Variants in RASA2 observed in about 807,000 individuals in gnomAD.
The protein encoded by RASA2 is RAS p21 protein activator 2.
In RASA2, 155 loss-of-function variants were observed where a neutral mutation model predicts 118.2. That is an observed-to-expected ratio of 1.31 (90% CI 1.15 to 1.50). The LOEUF is 1.50. RASA2 is among the 40% of genes most tolerant of loss of function. RASA2 has a pLI of 0.00. For missense variants in RASA2, 1,016 were observed against 1,009.6 expected (o/e 1.01, Z -0.09); for synonymous variants, 353 against 349.1 (o/e 1.01, Z -0.12).
At chr3:141,597,937 T>C (rs2083400303) in intron 19 of RASA2, among the ~76,000 whole-genome samples, 1 of 152,186 alleles carries the variant, frequency 6.6e-6, no homozygotes, top group Non-Finnish European at 1.5e-5. Flanking sequence ...TGAGCAACTT[T>C]ATATCAATAA....
At chr3:141,488,281 C>T (rs1258130279) in intron 1 of RASA2, among the ~76,000 whole-genome samples, 1 of 152,084 alleles carries the variant, frequency 6.6e-6, no homozygotes, top group African/African-American at 2.4e-5. Context: ...TTTCTTCATG[C>T]AGTATTCTCA....
chr3:141,569,318 T>C (rs2082875269), intron 9 of RASA2, among the ~76,000 whole-genome samples: 1 of 152,204 alleles, frequency 6.6e-6, no homozygotes, highest in Non-Finnish European at 1.5e-5. Context: ...TCTTGTGATA[T>C]CTTGAATGAG....
Position 141,586,678 on chromosome 3 carries a change from G to A in RASA2, c.1859G>A (p.Arg620Gln), listed in dbSNP as rs146108941. 1.9e-5 allele frequency: 31 copies of A among 1,613,206 alleles called. No homozygotes were observed. The highest frequency in any genetic ancestry group is 4.5e-5 in the East Asian group (2 of 44,806). ...TATAAAAGAGCTCAAGGAAGAACTC[G>A]GATTGGAAAAAAGAATTTTAAGAAA... is the stretch of plus-strand genomic sequence containing the variant. The part of the protein sequence containing the change: ...EMYKRAQGRT[R>Q]IGKKNFKKRW... The change falls in exon 19 of 24, where the codon CGG becomes CAG. Residue 620 changes from arginine (R) to glutamine (Q), a missense_variant. By Grantham distance (43) the Arg-to-Gln change is conservative (BLOSUM62 1). Coordinates refer to ENST00000286364, the MANE Select transcript of RASA2 (RefSeq NM_006506.5).
intron 17 of RASA2, among the ~76,000 whole-genome samples, chr3:141,585,249 G>A (rs189497294): frequency 9.4e-4 from 143 of 152,146 alleles, no homozygotes; most frequent in Non-Finnish European, 1.7e-3. Context: ...GGAGCCTAGG[G>A]TAGCACCCCA....
intron 4 of RASA2, among the ~76,000 whole-genome samples, chr3:141,537,950 T>C (rs757680943): frequency 6.6e-6 from 1 of 152,156 alleles, no homozygotes; most frequent in Non-Finnish European, 1.5e-5. Context: ...CTGAATGGTA[T>C]ATTTCCTCTA....
rs138289261 is a variant in RASA2, at chr3:141,495,880, A to G, written c.133+8664A>G. 1.4e-3 allele frequency among the ~76,000 whole-genome samples: 213 copies of G among 152,384 alleles called. 1 individual carries two copies. Among genetic ancestry groups the G allele is most frequent in the Middle Eastern group, 6.8e-3 (2 of 294 alleles). ...CTATAGCAACTAAAAAGAATGAGGT[A>G]TATCTATGTTATGAAAGGAAAGAAC... On this transcript the variant is annotated intron_variant, in intron 1 of 23. Coordinates refer to ENST00000286364, the MANE Select transcript of RASA2 (RefSeq NM_006506.5).
At chr3:141,558,755 G>T (rs1044319583) in intron 7 of RASA2, 131 bp from the exon 8 acceptor site, 1 of 708,842 alleles carries the variant, frequency 1.4e-6, no homozygotes, top group Non-Finnish European at 2.4e-6. Flanking sequence ...TTCAGCTATT[G>T]AGTAAAATAT....
chr3:141,528,853 A>G (rs73869655), intron 3 of RASA2, among the ~76,000 whole-genome samples: 1,895 of 152,154 alleles, frequency 0.012, 43 homozygotes, highest in African/African-American at 0.043. Flanking sequence ...GTATAAAATG[A>G]AAATTCTTAC....
intron 19 of RASA2, among the ~76,000 whole-genome samples, chr3:141,599,391 GACAA>G (rs2083428485): frequency 1.3e-5 from 2 of 151,946 alleles, no homozygotes; most frequent in Admixed American, 6.5e-5. Context: ...ACAATCACTA[GACAA>G]ACAGGACACC....
intron 1 of RASA2, among the ~76,000 whole-genome samples, chr3:141,497,926 T>G (rs1476662880): frequency 1.3e-5 from 2 of 152,154 alleles, no homozygotes; most frequent in Non-Finnish European, 1.5e-5. Context: ...CTTTGCCTGT[T>G]TGACTAATTG....
rs1395822201 is a variant in RASA2, at chr3:141,575,628, A to G, written c.1484-1372A>G. Among the ~76,000 whole-genome samples, 6 of 152,342 alleles carry G rather than the reference A, an allele frequency of 3.9e-5. No individual in the cohort carries two copies. In the South Asian group the frequency reaches 6.2e-4, roughly 16 times the overall value. On this transcript the variant is annotated intron_variant, in intron 14 of 23. Transcript: ENST00000286364. ...TTTACCAAGGTCTGTGGCGTGGCCA[A>G]CAGGCAAGCAGGGCCTCAAACCTGG... is the stretch of plus-strand genomic sequence containing the variant.
chr3:141,605,717 T>C (rs1020396003), intron 19 of RASA2, among the ~76,000 whole-genome samples: 1 of 152,128 alleles, frequency 6.6e-6, no homozygotes, highest in South Asian at 2.1e-4. Flanking sequence ...GTTGCACATA[T>C]GTCTCTTCTT....
chr3:141,562,794 T>G (rs2082756072), intron 9 of RASA2, among the ~76,000 whole-genome samples: 2 of 151,716 alleles, frequency 1.3e-5, no homozygotes, highest in Non-Finnish European at 2.9e-5. Context: ...TGCCTCAGCC[T>G]CCTGAGTAGC....
intron 2 of RASA2, among the ~76,000 whole-genome samples, chr3:141,513,732 C>A (rs73869653): frequency 6.6e-6 from 1 of 152,154 alleles, no homozygotes; most frequent in South Asian, 2.1e-4. Flanking sequence ...CAACTGTTTT[C>A]TAGACAAGAT....
rs906317895 is a variant in RASA2 at position 141,581,168 on chromosome 3, A to G, written c.1743A>G (p.Ala581=). The G allele has an allele frequency of 6.6e-7, 1 of 1,516,830 alleles. No individual in the cohort carries two copies. Among genetic ancestry groups the G allele is most frequent in the Non-Finnish European group, 8.8e-7 (1 of 1,139,080 alleles). 94.0% of individuals were successfully genotyped at this position (1,516,830 alleles called of 1,614,324 possible). ...TTCAAGAAGAAGGATATATTATAGC[A>G]GTTAAAAAGGTATGATGGTTTTATT... ...KMFQEEGYII[A]VKKFLDEISS... is the part of the protein sequence containing the mutation. Residue 581 remains alanine (A), a synonymous_variant, in exon 17 of 24, where the codon GCA becomes GCG. Coordinates refer to ENST00000286364, the MANE Select transcript of RASA2 (RefSeq NM_006506.5).
At position 141,586,689 on chromosome 3, in the gene RASA2, A is replaced by G. The variant is rs1266715485; in HGVS notation, c.1870A>G (p.Lys624Glu). 6.2e-7 allele frequency: 1 copy of G among 1,613,682 alleles called. No homozygotes were observed. Among genetic ancestry groups the G allele is most frequent in the Non-Finnish European group, 8.5e-7 (1 of 1,179,726 alleles). The change falls in exon 19 of 24, where the codon AAG becomes GAG. Residue 624 changes from lysine (K) to glutamate (E), a missense_variant. This residue lies in a region of RASA2 where 896 missense variants were observed against 836.4 expected (regional missense o/e 1.07). Coordinates refer to ENST00000286364, the MANE Select transcript of RASA2 (RefSeq NM_006506.5). ...TCAAGGAAGAACTCGGATTGGAAAA[A>G]AGAATTTTAAGAAACGATGGTTCTG... ...RAQGRTRIGK[K>E]NFKKRWFCLT... is the part of the protein sequence containing the mutation.
At chr3:141,559,029 A>G (rs2082690486) in intron 8 of RASA2, 67 bp downstream of exon 8, 1 of 1,353,490 alleles carries the variant, frequency 7.4e-7, no homozygotes, top group East Asian at 2.3e-5. Flanking sequence ...GATTCAACCA[A>G]AAAAAGTAAA....
intron 15 of RASA2, among the ~76,000 whole-genome samples, chr3:141,578,342 A>G (rs1167106743): frequency 2.0e-5 from 3 of 152,224 alleles, no homozygotes; most frequent in Non-Finnish European, 2.9e-5. Flanking sequence ...TCAAGTACCT[A>G]TAATGTATCA....
chr3:141,523,132 AT>A lies in RASA2; in HGVS notation c.356-6562del, dbSNP rs200172484. Among the ~76,000 whole-genome samples the A allele has an allele frequency of 9.3e-3, 1,307 of 141,060 alleles. 14 individuals are homozygous for A. The highest frequency in any genetic ancestry group is 0.029 in the East Asian group (143 of 4,912). The allele number at this position is 141,060 out of a possible 152,430, so 92.5% of individuals were successfully genotyped here. A position where few individuals can be genotyped will look rare whatever the true frequency, so the allele number is the denominator to read the frequency against. Reference sequence around the variant, plus strand: ...TTTAAATTATGGCATAGATAATCCCATTTTTTTTTTTTTTGAGACGAAGACT... The same window carrying A: ...TTTAAATTATGGCATAGATAATCCCATTTTTTTTTTTTTGAGACGAAGACT... On this transcript the variant is annotated intron_variant, in intron 3 of 23. Transcript: ENST00000286364.
Sources: gnomAD v4.1 joint callset for allele counts (sites outside exome capture counted in the v4.1 genomes callset) on GRCh38, gnomAD v4.1.1 for gene constraint, gnomAD v4.1.1 regional missense constraint, MANE v1.5 for transcripts, NCBI Gene and HGNC (gene_info 2026-07-23, HGNC 2026-07-21) for gene names.